GALNT9: variants seen among roughly 807,000 people sequenced by gnomAD.
GALNT9 encodes the protein polypeptide N-acetylgalactosaminyltransferase 9, also known as GalNAc transferase 9.
GALNT9 carries 47 observed loss-of-function variants against 63.1 expected under a neutral mutation model. The observed-to-expected ratio is 0.75, with a 90% CI of 0.59 to 0.95. The LOEUF is 0.95. Ranked by LOEUF, GALNT9 falls within the 40% of genes least tolerant of loss-of-function variation. GALNT9 has a pLI of 0.00. For missense variants in GALNT9, 829 were observed against 874.8 expected (o/e 0.95, Z 0.66); for synonymous variants, 396 against 365.7 (o/e 1.08, Z -0.94).
rs1420111672 is a variant in GALNT9, at chr12:132,252,618, C to G, written c.960-4591G>C. On this transcript the variant is annotated intron_variant, in intron 5 of 10. Transcript: ENST00000328957. The surrounding 1 kb of genome is among the most constrained non-coding windows in gnomAD (Gnocchi z 5.2). ...ACCTGGCTGGGCGCACTGGCTCATG[C>G]CTGTAATCCCAGCACTTTGGGAGGC... 6.6e-6 allele frequency among the ~76,000 whole-genome samples: 1 copy of G among 152,160 alleles called. No individual in the cohort carries two copies. Among genetic ancestry groups the G allele is most frequent in the Non-Finnish European group, 1.5e-5 (1 of 68,024 alleles).
intron 1 of GALNT9, among the ~76,000 whole-genome samples, chr12:132,322,711 G>T (rs1367061810): frequency 6.6e-6 from 1 of 152,226 alleles, no homozygotes; most frequent in Non-Finnish European, 1.5e-5. Context: ...GCAGGCCTGG[G>T]CGGCTTCCTG....
Position 132,286,278 on chromosome 12 carries a change from G to C in GALNT9, c.391C>G (p.Arg131Gly). 2.6e-6 allele frequency: 4 copies of C among 1,551,180 alleles called. No homozygotes were observed. Among genetic ancestry groups the C allele is most frequent in the Non-Finnish European group, 3.5e-6 (4 of 1,146,854 alleles). Reference sequence around the variant, plus strand: ...CTGGGCCGGTAGTCGGGGATGCTCCGATCGAGGGAGATGCGGTCGCTGAGC... The same window carrying C: ...CTGGGCCGGTAGTCGGGGATGCTCCCATCGAGGGAGATGCGGTCGCTGAGC... ...AQLSDRISLD[R>G]SIPDYRPRKC... Residue 131 changes from arginine (R) to glycine (G), a missense_variant, in exon 2 of 11, where the codon CGG becomes GGG. Arg to Gly is a moderately radical substitution (Grantham distance 125). Coordinates refer to ENST00000328957, the MANE Select transcript of GALNT9 (RefSeq NM_001122636.2). The surrounding 1 kb of genome is among the most constrained non-coding windows in gnomAD (Gnocchi z 7.4).
chr12:132,299,016 C>A (rs1052148443), intron 1 of GALNT9, among the ~76,000 whole-genome samples: 1 of 148,362 alleles, frequency 6.7e-6, no homozygotes, highest in Non-Finnish European at 1.5e-5. Flanking sequence ...CCTGAGATGA[C>A]CAAGCCACTC....
chr12:132,287,635 C>T lies in GALNT9; in HGVS notation c.239-1205G>A, dbSNP rs150879489. 8.6e-4 allele frequency among the ~76,000 whole-genome samples: 131 copies of T among 152,240 alleles called. 2 individuals are homozygous for T. The East Asian group carries it at 0.018, about 21-fold the overall frequency. The stretch of plus-strand genomic sequence containing the variant: ...GAATCACAACCCACCCCATGGCCAT[C>T]GGGGCAGGACGGGGACCCCGGGGTG... On this transcript the variant is annotated intron_variant, in intron 1 of 10. Coordinates refer to ENST00000328957, the MANE Select transcript of GALNT9 (RefSeq NM_001122636.2).
intron 2 of GALNT9, among the ~76,000 whole-genome samples, chr12:132,268,860 T>G (rs1331190639): frequency 6.6e-6 from 1 of 152,162 alleles, no homozygotes; most frequent in African/African-American, 2.4e-5. Flanking sequence ...AAGGCTGACG[T>G]GCAGCCGACG....
At chr12:132,301,248 T>C (rs1296844162) in intron 1 of GALNT9, among the ~76,000 whole-genome samples, 5 of 152,174 alleles carry the variant, frequency 3.3e-5, no homozygotes, top group Non-Finnish European at 7.4e-5. Flanking sequence ...GGCAAAGGCG[T>C]TAAATAGCCA....
chr12:132,207,406 G>C (rs75948748), intron 6 of GALNT9, among the ~76,000 whole-genome samples: 1 of 152,210 alleles, frequency 6.6e-6, no homozygotes, highest in Non-Finnish European at 1.5e-5. Flanking sequence ...CTCTGTCCCC[G>C]GGGCCTTCTG....
intron 2 of GALNT9, among the ~76,000 whole-genome samples, chr12:132,266,090 G>C (rs1197339950): frequency 6.7e-6 from 1 of 148,910 alleles, no homozygotes; most frequent in East Asian, 1.9e-4. Flanking sequence ...TTACACGCCC[G>C]ATCTCGCCGT....
intron 4 of GALNT9, among the ~76,000 whole-genome samples, 181 bp from the exon 5 acceptor site, chr12:132,258,067 C>T (rs546365357): frequency 1.3e-5 from 2 of 152,328 alleles, no homozygotes; most frequent in South Asian, 4.1e-4. Flanking sequence ...CAGCAGCAGA[C>T]CCACCCTGAC....
intron 2 of GALNT9, among the ~76,000 whole-genome samples, chr12:132,276,079 G>C (rs781913929): frequency 2.0e-5 from 3 of 152,228 alleles, no homozygotes; most frequent in African/African-American, 7.2e-5. Flanking sequence ...TCAGCTTTCC[G>C]GTTGGCTTCC....
chr12:132,203,797 G>GGCGGCCCGGCCCTCTGTTCCTGGA, intron 6 of GALNT9, 107 bp from the exon 7 acceptor site: 1 of 1,262,262 alleles, frequency 7.9e-7, no homozygotes. Flanking sequence ...CTGTTCCTGG[G>GGCGGCCCGGCCCTCTGTTCCTGGA]GCACCCCCAC....
rs773016379 is a variant in GALNT9, at chr12:132,197,860, G to A, written c.1597C>T (p.Arg533Cys). 1.1e-5 allele frequency: 17 copies of A among 1,609,052 alleles called. No individual in the cohort carries two copies. Among genetic ancestry groups the A allele is most frequent in the African/African-American group, 4.0e-5 (3 of 74,906 alleles). Reference protein sequence around the residue: ...SKCLVDDGTGRMPTLKKCEDV... With the variant: ...SKCLVDDGTGCMPTLKKCEDV... ...TCACACTTCTTCAGGGTGGGCATGC[G>A]GCCCGTGCCGTCATCCACCAGACAC... is the stretch of plus-strand genomic sequence containing the variant. Residue 533 changes from arginine to cysteine, a missense_variant, in exon 10 of 11, where the codon CGC (arginine) becomes TGC (cysteine). By Grantham distance (180) the Arg-to-Cys change is radical. Transcript: ENST00000328957.
intron 5 of GALNT9, among the ~76,000 whole-genome samples, chr12:132,254,595 G>A (rs950819952): frequency 3.9e-5 from 6 of 152,190 alleles, no homozygotes; most frequent in Admixed American, 3.9e-4. Context: ...TTTCTGATGG[G>A]GCTCTCGCCC....
chr12:132,306,590 C>A (rs1881623418), intron 1 of GALNT9, among the ~76,000 whole-genome samples: 1 of 152,226 alleles, frequency 6.6e-6, no homozygotes, highest in African/African-American at 2.4e-5. Flanking sequence ...GGTACCCCCA[C>A]CTGCCCCGGC....
intron 1 of GALNT9, among the ~76,000 whole-genome samples, chr12:132,288,106 C>T (rs1205926985): frequency 2.6e-5 from 4 of 152,184 alleles, no homozygotes; most frequent in South Asian, 2.1e-4. Context: ...CCTTCTCTCG[C>T]GGCGCCAGCT....
intron 9 of GALNT9, among the ~76,000 whole-genome samples, chr12:132,198,336 G>T (rs539175631): frequency 2.6e-5 from 4 of 152,200 alleles, no homozygotes; most frequent in Admixed American, 1.3e-4. Context: ...ACGCATTCCC[G>T]TGGGGTTAGA....
chr12:132,203,447 G>A (rs554505487), intron 7 of GALNT9, 58 bp downstream of exon 7: 15 of 1,562,068 alleles, frequency 9.6e-6, no homozygotes, highest in Admixed American at 1.8e-5. Flanking sequence ...CAGCCCTGCC[G>A]TGGCATTGAC....
chr12:132,243,438 C>T (rs1365715723), intron 6 of GALNT9, among the ~76,000 whole-genome samples: 2 of 112,362 alleles, frequency 1.8e-5, no homozygotes, highest in Non-Finnish European at 3.7e-5. Context: ...CCGGAGCTCT[C>T]TCTCTCTGGT....
At chr12:132,303,382 GGGGCACAGCCTCGCCC>G (rs1404704840) in intron 1 of GALNT9, among the ~76,000 whole-genome samples, 1,612 of 107,870 alleles carry the variant, frequency 0.015, 149 homozygotes, top group African/African-American at 0.056. Context: ...CACCCTCTCC[GGGGCACAGCCTCGCCC>G]GGGCACACCC....
Sources: gnomAD v4.1 joint callset for allele counts (sites outside exome capture counted in the v4.1 genomes callset) on GRCh38, gnomAD v4.1.1 for gene constraint, Gnocchi (gnomAD v3.1) non-coding constraint, MANE v1.5 for transcripts, NCBI Gene and HGNC (gene_info 2026-07-23, HGNC 2026-07-21) for gene names.